The following IRAK3 variants were observed in gnomAD, a reference collection of about 807,000 sequenced individuals.
IRAK3 encodes interleukin-1 receptor-associated kinase 3.
IRAK3 carries 57 observed loss-of-function variants against 56.6 expected under a neutral mutation model. That is an observed-to-expected ratio of 1.01 (90% CI 0.81 to 1.26). IRAK3 has a LOEUF of 1.26. IRAK3 is among the 50% of genes most tolerant of loss of function. The probability of loss-of-function intolerance (pLI) is 0.00; values close to 1 mark genes in which losing one functional copy is unlikely to be tolerated. For missense variants in IRAK3, 703 were observed against 719.0 expected, an observed-to-expected ratio of 0.98 and a Z score of 0.25; for synonymous variants, 258 against 255.7, an observed-to-expected ratio of 1.01 and a Z score of -0.09.
chr12:66,240,146 T>G (rs11176096), intron 8 of IRAK3, among the ~76,000 whole-genome samples: 8,616 of 152,276 alleles, frequency 0.057, 362 homozygotes, highest in Admixed American at 0.11. Flanking sequence ...TAAAGCATAC[T>G]TTGAGCCCTC....
intron 6 of IRAK3, among the ~76,000 whole-genome samples, chr12:66,221,864 A>C (rs1483781876): frequency 1.3e-5 from 2 of 152,146 alleles, no homozygotes; most frequent in Non-Finnish European, 2.9e-5. Context: ...CCCCATCTGT[A>C]CTAAAAATAT....
At chr12:66,220,175 T>G (rs370023756) in intron 6 of IRAK3, among the ~76,000 whole-genome samples, 12 of 152,288 alleles carry the variant, frequency 7.9e-5, no homozygotes, top group Admixed American at 2.6e-4. Flanking sequence ...ATTTGTATGG[T>G]TTCAGATCTT....
Position 66,203,821 on chromosome 12 carries a change from A to G in IRAK3, c.244A>G (p.Thr82Ala), listed in dbSNP as rs773680791. 2 of 1,614,056 alleles carry G rather than the reference A, an allele frequency of 1.2e-6. No homozygotes were observed. Among genetic ancestry groups the G allele is most frequent in the Non-Finnish European group, 1.7e-6 (2 of 1,179,942 alleles). The change falls in exon 2 of 12, where the codon ACC (threonine) becomes GCC (alanine). Residue 82 changes from threonine to alanine, a missense_variant. Thr to Ala is a moderately conservative substitution (Grantham distance 58, BLOSUM62 0). Transcript: ENST00000261233. ...TTGGTCCTGGGCACAGAAAAACAAG[A>G]CCATCGGTGACCTTTTACAGGTCCT... ...LLWSWAQKNKTIGDLLQVLQE... is the reference protein window; with the variant it reads ...LLWSWAQKNKAIGDLLQVLQE...
intron 1 of IRAK3, among the ~76,000 whole-genome samples, chr12:66,193,646 G>A (rs1218917726): frequency 6.6e-6 from 1 of 152,130 alleles, no homozygotes; most frequent in Non-Finnish European, 1.5e-5. Flanking sequence ...AGTATTGGTT[G>A]GAACTTATCC....
chr12:66,230,614 T>C (rs2052834605), intron 8 of IRAK3, among the ~76,000 whole-genome samples: 2 of 151,740 alleles, frequency 1.3e-5, no homozygotes, highest in Admixed American at 1.3e-4. Flanking sequence ...TAGCCAACTC[T>C]TACTGCTGGG....
chr12:66,202,667 G>A (rs1231460316), intron 1 of IRAK3, among the ~76,000 whole-genome samples: 1 of 151,792 alleles, frequency 6.6e-6, no homozygotes, highest in Non-Finnish European at 1.5e-5. Flanking sequence ...GGGCATGGTG[G>A]TGCAGTGCAC....
At chr12:66,198,897 G>C (rs113050224) in intron 1 of IRAK3, among the ~76,000 whole-genome samples, 120 of 151,646 alleles carry the variant, frequency 7.9e-4, no homozygotes, top group African/African-American at 2.9e-3. Context: ...TAGGACTATA[G>C]GTGCATGCAC....
At chr12:66,194,827 CAAAA>C (rs71096077) in intron 1 of IRAK3, among the ~76,000 whole-genome samples, 7 of 132,448 alleles carry the variant, frequency 5.3e-5, no homozygotes, top group Admixed American at 1.5e-4. Flanking sequence ...AGACTCCTCT[CAAAA>C]AAAAAAAAAA....
Position 66,245,090 on chromosome 12 carries a change from C to T in IRAK3, c.1150-8C>T. The stretch of plus-strand genomic sequence containing the variant: ...CTCTGTGATAAAATTGTCTCCCTCT[C>T]TTCCAAGCGGGATCTCCTTAGAGAA... On this transcript the variant is annotated splice_region_variant and splice_polypyrimidine_tract_variant and intron_variant, in intron 10 of 11. Coordinates refer to ENST00000261233, the MANE Select transcript of IRAK3 (RefSeq NM_007199.3). The T allele has an allele frequency of 6.2e-7, 1 of 1,614,050 alleles. No individual in the cohort carries two copies. The highest frequency in any genetic ancestry group is 8.5e-7 in the Non-Finnish European group (1 of 1,179,900).
chr12:66,223,809 G>A (rs1013940091), intron 6 of IRAK3, among the ~76,000 whole-genome samples: 13 of 149,520 alleles, frequency 8.7e-5, no homozygotes, highest in African/African-American at 3.2e-4. Flanking sequence ...TTCCTCCTGG[G>A]TTCACGCCAT....
Position 66,247,872 on chromosome 12 carries a change from A to G in IRAK3, c.1492A>G (p.Ile498Val), listed in dbSNP as rs765356638. 1 of 1,614,210 alleles carries G rather than the reference A, an allele frequency of 6.2e-7. No individual in the cohort carries two copies. Among genetic ancestry groups the G allele is most frequent in the African/African-American group, 1.3e-5 (1 of 75,046 alleles). ...ACTACCTTCTGATGAAGGCCTGAGG[A>G]TAGACAGAATGACTCAGAAAACTCC... ...NLLPSDEGLR[I>V]DRMTQKTPFE... Residue 498 changes from isoleucine to valine, a missense_variant, in exon 12 of 12, where the codon ATA (isoleucine) becomes GTA (valine). Transcript: ENST00000261233.
chr12:66,246,337 G>T lies in IRAK3; in HGVS notation c.1314+1075G>T, dbSNP rs114501511. ...AGGGGGAGCAGTGAGGGAAAGCCTG[G>T]AGTGGTTAAAATAATAGAAGCTTCC... On this transcript the variant is annotated intron_variant, in intron 11 of 11. Coordinates refer to ENST00000261233, the MANE Select transcript of IRAK3 (RefSeq NM_007199.3). Among the ~76,000 whole-genome samples the T allele has an allele frequency of 2.1e-3, 323 of 152,290 alleles. 4 individuals carry two copies. Among genetic ancestry groups the T allele is most frequent in the African/African-American group, 7.0e-3 (292 of 41,554 alleles).
At chr12:66,206,485 G>GT (rs1565801078) in intron 2 of IRAK3, among the ~76,000 whole-genome samples, 1 of 152,114 alleles carries the variant, frequency 6.6e-6, no homozygotes, top group Admixed American at 6.6e-5. Context: ...ATGAACATGT[G>GT]TTTTTTGTCC....
intron 8 of IRAK3, among the ~76,000 whole-genome samples, chr12:66,240,409 G>A (rs1193231399): frequency 6.6e-6 from 1 of 152,194 alleles, no homozygotes; most frequent in Non-Finnish European, 1.5e-5. Flanking sequence ...TAGGTTCAGT[G>A]GGGATGAAAA....
chr12:66,198,102 C>T lies in IRAK3; in HGVS notation c.134-5609C>T, dbSNP rs2052472231. On this transcript the variant is annotated intron_variant, in intron 1 of 11. Transcript: ENST00000261233. ...TGTATAAATATTTTATCTGAGACTC[C>T]TGCTACTATTGCCACCCGATGCATC... 17 of 985,120 alleles carry T rather than the reference C, an allele frequency of 1.7e-5. No homozygotes were observed. The South Asian group carries it at 6.6e-4, about 38-fold the overall frequency. The allele number at this position is 985,120 out of a possible 1,614,324, so 61.0% of individuals were successfully genotyped here. A position where few individuals can be genotyped will look rare whatever the true frequency, so the allele number is the denominator to read the frequency against.
At chr12:66,235,890 G>GATGTATTTAGATTGTATT (rs1216784056) in intron 8 of IRAK3, among the ~76,000 whole-genome samples, 2 of 152,130 alleles carry the variant, frequency 1.3e-5, no homozygotes, top group Non-Finnish European at 2.9e-5. Context: ...ATTTAAAGAA[G>GATGTATTTAGATTGTATT]TATGTTCTAG....
At position 66,253,381 on chromosome 12, in the gene IRAK3, A is replaced by G. The variant is rs539095782; in HGVS notation, c.*5210A>G. ...AACCATGTCTAAGCAATGAAAAACC[A>G]GTGTTCTGGCAGGAAATAAACTGAT... is the stretch of plus-strand genomic sequence containing the variant. On this transcript the variant is annotated 3_prime_UTR_variant, in exon 12 of 12. Transcript: ENST00000261233. 1 of 152,358 alleles carries G rather than the reference A, an allele frequency of 6.6e-6. No individual in the cohort carries two copies. Among genetic ancestry groups the G allele is most frequent in the East Asian group, 1.9e-4 (1 of 5,194 alleles). The allele number at this position is 152,358 out of a possible 1,614,324, so 9.4% of individuals were successfully genotyped here.
At chr12:66,240,052 C>A (rs1177158709) in intron 8 of IRAK3, among the ~76,000 whole-genome samples, 1 of 152,138 alleles carries the variant, frequency 6.6e-6, no homozygotes, top group Non-Finnish European at 1.5e-5. Context: ...TGTCTTTGGA[C>A]TTCTAGAGAC....
intron 5 of IRAK3, among the ~76,000 whole-genome samples, chr12:66,215,810 A>ACACG (rs2052669596): frequency 7.7e-6 from 1 of 130,604 alleles, no homozygotes; most frequent in Non-Finnish European, 1.6e-5. Flanking sequence ...ACACACACAC[A>ACACG]CACACACACA....
Sources: allele counts gnomAD v4.1 joint callset (sites outside exome capture counted in the v4.1 genomes callset), GRCh38; gene constraint gnomAD v4.1.1; transcripts MANE v1.5; gene names NCBI Gene and HGNC (gene_info 2026-07-23, HGNC 2026-07-21).